Variants in GDA observed in about 807,000 individuals in gnomAD.
GDA encodes guanine deaminase.
A neutral mutation model predicts 59.6 loss-of-function variants in GDA; 18 were observed. That is an observed-to-expected ratio of 0.30 (90% CI 0.21 to 0.45). The LOEUF is 0.45. GDA is among the 20% of genes least tolerant of loss of function. The pLI, the probability that GDA is intolerant of heterozygous loss-of-function variation, is 1.00. For synonymous variants in GDA, 201 were observed against 201.1 expected, an observed-to-expected ratio of 1.00 and a Z score of 0.00; for missense variants, 427 against 552.3, an observed-to-expected ratio of 0.77 and a Z score of 2.27.
chr9:72,217,341 G>A (rs1836261244), intron 5 of GDA, among the ~76,000 whole-genome samples: 1 of 152,206 alleles, frequency 6.6e-6, no homozygotes, highest in Non-Finnish European at 1.5e-5. Flanking sequence ...CTGTGGTACA[G>A]TAGTGCTTCT....
intron 1 of GDA, among the ~76,000 whole-genome samples, chr9:72,157,480 C>A (rs1397540391): frequency 1.3e-5 from 2 of 152,156 alleles, no homozygotes; most frequent in East Asian, 3.8e-4. Context: ...AGAATAACTA[C>A]CTTCTCCTTC....
At chr9:72,213,616 A>G (rs912630579) in intron 4 of GDA, among the ~76,000 whole-genome samples, 5 of 151,740 alleles carry the variant, frequency 3.3e-5, no homozygotes, top group Admixed American at 3.3e-4. Context: ...ATCTTGGCTA[A>G]CACGGTGAAA....
chr9:72,199,326 A>G (rs1833633829), intron 2 of GDA, among the ~76,000 whole-genome samples: 1 of 152,162 alleles, frequency 6.6e-6, no homozygotes, highest in Non-Finnish European at 1.5e-5. Flanking sequence ...CTTTTTATTA[A>G]TAATCATTTC....
At chr9:72,217,140 A>C (rs761958607) in intron 5 of GDA, among the ~76,000 whole-genome samples, 13 of 152,244 alleles carry the variant, frequency 8.5e-5, no homozygotes, top group Non-Finnish European at 1.9e-4. Flanking sequence ...TTATACTTCA[A>C]TATAAATAGT....
chr9:72,200,610 T>A (rs1176985466), intron 2 of GDA, among the ~76,000 whole-genome samples: 1 of 151,026 alleles, frequency 6.6e-6, no homozygotes. Context: ...GAAATATTAT[T>A]TGGTTAAACA....
chr9:72,137,215 A>AT (rs1554722873), intron 1 of GDA, among the ~76,000 whole-genome samples: 17,664 of 42,878 alleles, frequency 0.41, 2,301 homozygotes, highest in African/African-American at 0.48. Flanking sequence ...TTAAAAAAAA[A>AT]AAAAATTAGG....
At chr9:72,142,763 T>TTTTATTTA (rs942143388) in intron 1 of GDA, among the ~76,000 whole-genome samples, 3 of 151,990 alleles carry the variant, frequency 2.0e-5, no homozygotes, top group East Asian at 1.9e-4. Flanking sequence ...ATACCTTTTA[T>TTTTATTTA]TTTATTTATT....
chr9:72,200,963 C>T (rs1587617218), intron 2 of GDA, among the ~76,000 whole-genome samples: 1 of 151,924 alleles, frequency 6.6e-6, no homozygotes, highest in African/African-American at 2.4e-5. Context: ...TTTCAAGCTA[C>T]ATAAATTCCC....
At chr9:72,238,254 C>G (rs1271194558) in intron 10 of GDA, among the ~76,000 whole-genome samples, 1 of 152,170 alleles carries the variant, frequency 6.6e-6, no homozygotes, top group Non-Finnish European at 1.5e-5. Flanking sequence ...TGCATTGTTT[C>G]TCTGTCTGAA....
intron 3 of GDA, among the ~76,000 whole-genome samples, chr9:72,203,404 T>A (rs1429119586): frequency 6.6e-6 from 1 of 152,216 alleles, no homozygotes; most frequent in East Asian, 1.9e-4. Context: ...CTGACACCAC[T>A]AGAGGGAACT....
In GDA at chr9:72,245,258, T is replaced by A. The variant is rs761724191; in HGVS notation, c.1246T>A (p.Phe416Ile). The A allele has an allele frequency of 1.2e-6, 2 of 1,609,754 alleles. No homozygotes were observed. The highest frequency in any genetic ancestry group is 1.7e-6 in the Non-Finnish European group (2 of 1,176,238). The change falls in exon 12 of 14, where the codon TTT becomes ATT. Residue 416 changes from phenylalanine (F) to isoleucine (I), a missense_variant. Physicochemically the swap from Phe to Ile is conservative, Grantham distance 21. Transcript: ENST00000358399. ...DSPIDLFYGDFFGDISEAVIQ... is the reference protein window; with the variant it reads ...DSPIDLFYGDIFGDISEAVIQ... The stretch of plus-strand genomic sequence containing the variant: ...TCCCATTGACCTGTTTTATGGGGAC[T>A]TTTTTGGTGATATTTCTGAGGTAAG...
At chr9:72,162,429 T>A (rs564318526) in intron 1 of GDA, among the ~76,000 whole-genome samples, 2 of 152,006 alleles carry the variant, frequency 1.3e-5, no homozygotes, top group Non-Finnish European at 2.9e-5. Flanking sequence ...AGAAGTCATG[T>A]TGGAGCTGAG....
intron 1 of GDA, among the ~76,000 whole-genome samples, chr9:72,139,959 C>T (rs1053723215): frequency 1.3e-5 from 2 of 152,078 alleles, no homozygotes; most frequent in African/African-American, 4.8e-5. Flanking sequence ...CCTACCACAC[C>T]CTAATAAAAA....
intron 1 of GDA, among the ~76,000 whole-genome samples, chr9:72,173,462 C>G (rs1830205100): frequency 6.6e-6 from 1 of 151,946 alleles, no homozygotes; most frequent in Non-Finnish European, 1.5e-5. Context: ...TCCTGAGTAG[C>G]TGGGAATACA....
At chr9:72,170,873 T>C (rs1460523682) in intron 1 of GDA, among the ~76,000 whole-genome samples, 4 of 152,144 alleles carry the variant, frequency 2.6e-5, no homozygotes, top group African/African-American at 9.7e-5. Context: ...TGTAGTGCAG[T>C]GGCGCGATCA....
At position 72,214,078 on chromosome 9, in the gene GDA, T is replaced by A. The variant is rs1453629075; in HGVS notation, c.578+87T>A. The A allele has an allele frequency of 6.5e-6, 5 of 774,904 alleles. No individual in the cohort carries two copies. The Admixed American group carries it at 1.0e-4, about 16-fold the overall frequency. The allele number at this position is 774,904 out of a possible 1,614,324, so 48.0% of individuals were successfully genotyped here. A position where few individuals can be genotyped will look rare whatever the true frequency, so the allele number is the denominator to read the frequency against. On this transcript the variant is annotated intron_variant, in intron 5 of 13. Coordinates refer to ENST00000358399, the MANE Select transcript of GDA (RefSeq NM_004293.5). ...TTAGAGATGGAAAAAGGAAACAGGATACTGTTATCACCCAGTTGGGATGTG... is the reference window on the plus strand; with the variant it reads ...TTAGAGATGGAAAAAGGAAACAGGAAACTGTTATCACCCAGTTGGGATGTG...
At chr9:72,203,058 C>T (rs1304054617) in intron 3 of GDA, among the ~76,000 whole-genome samples, 1 of 152,174 alleles carries the variant, frequency 6.6e-6, no homozygotes, top group African/African-American at 2.4e-5. Flanking sequence ...TCCTGCTAAT[C>T]CATAATGCTG....
At chr9:72,160,158 A>G (rs1340055757) in intron 1 of GDA, among the ~76,000 whole-genome samples, 1 of 152,060 alleles carries the variant, frequency 6.6e-6, no homozygotes, top group Non-Finnish European at 1.5e-5. Flanking sequence ...ATATGAAAAA[A>G]AATTAGCTGG....
rs1485371370 is a variant in GDA, at chr9:72,126,253, A to T, written c.-100+11420A>T. The stretch of plus-strand genomic sequence containing the variant: ...CCTTGGAGTATTCTGATCTGGCTAA[A>T]CACGATATTTTCTTTATTATAGTTC... On this transcript the variant is annotated intron_variant, in intron 1 of 13. Transcript: ENST00000545168. Among the ~76,000 whole-genome samples, 3 of 152,284 alleles carry T rather than the reference A, an allele frequency of 2.0e-5. No homozygotes were observed. In the East Asian group the frequency reaches 5.8e-4, roughly 29 times the overall value.
Sources: gnomAD v4.1 joint callset for allele counts (sites outside exome capture counted in the v4.1 genomes callset) on GRCh38, gnomAD v4.1.1 for gene constraint, MANE v1.5 for transcripts, NCBI Gene and HGNC (gene_info 2026-07-23, HGNC 2026-07-21) for gene names.